The following DPYD variants were observed in gnomAD, a reference collection of about 807,000 sequenced individuals.
The protein encoded by DPYD is dihydropyrimidine dehydrogenase, also known as dihydropyrimidine dehydrogenase [NADP(+)].
DPYD carries 109 observed loss-of-function variants against 116.2 expected under a neutral mutation model. That is an observed-to-expected ratio of 0.94 (90% CI 0.80 to 1.10). The LOEUF (loss-of-function observed/expected upper bound fraction) is 1.10. Among genes scored for constraint, DPYD ranks in the 50% least tolerant of loss-of-function variants. DPYD has a pLI of 0.00. For synonymous variants in DPYD, 440 were observed against 432.0 expected, an observed-to-expected ratio of 1.02 and a Z score of -0.23; for missense variants, 1,302 against 1,254.5, an observed-to-expected ratio of 1.04 and a Z score of -0.57.
intron 21 of DPYD, among the ~76,000 whole-genome samples, chr1:97,097,167 G>A (rs1043839289): frequency 6.6e-6 from 1 of 152,158 alleles, no homozygotes; most frequent in African/African-American, 2.4e-5. Flanking sequence ...CTTTTATGCT[G>A]TTAAAAGTCC....
chr1:97,675,688 G>C (rs1018701568), intron 8 of DPYD, among the ~76,000 whole-genome samples: 3 of 151,732 alleles, frequency 2.0e-5, no homozygotes, highest in African/African-American at 4.8e-5. Flanking sequence ...GAATAAGATA[G>C]TAGTTATAAA....
chr1:97,553,159 A>T (rs1261964481), intron 11 of DPYD, among the ~76,000 whole-genome samples: 3 of 152,004 alleles, frequency 2.0e-5, no homozygotes, highest in Non-Finnish European at 2.9e-5. Flanking sequence ...GACTCTAAGC[A>T]CATGTAATAT....
intron 3 of DPYD, among the ~76,000 whole-genome samples, chr1:97,763,452 TTTC>T (rs1351459682): frequency 6.6e-6 from 1 of 152,008 alleles, no homozygotes; most frequent in African/African-American, 2.4e-5. Context: ...TCCCTTTAGT[TTTC>T]TTCTTCTGGC....
At chr1:97,765,368 G>T (rs1423373566) in intron 3 of DPYD, among the ~76,000 whole-genome samples, 2 of 152,094 alleles carry the variant, frequency 1.3e-5, no homozygotes, top group Non-Finnish European at 2.9e-5. Context: ...GAGGCTACTA[G>T]AGCACTGTGC....
chr1:97,321,174 G>T (rs1296321917), intron 16 of DPYD, among the ~76,000 whole-genome samples: 4 of 85,652 alleles, frequency 4.7e-5, no homozygotes, highest in South Asian at 1.1e-3. Context: ...ATAGGCGTGG[G>T]CAAGGACTTC....
At chr1:97,916,828 T>TG (rs900101398) in intron 1 of DPYD, among the ~76,000 whole-genome samples, 2 of 152,268 alleles carry the variant, frequency 1.3e-5, no homozygotes, top group African/African-American at 4.8e-5. Flanking sequence ...GGCAATATAC[T>TG]GAGACCCCCA....
intron 6 of DPYD, among the ~76,000 whole-genome samples, chr1:97,694,891 T>C (rs547426372): frequency 1.8e-4 from 28 of 152,342 alleles, no homozygotes; most frequent in African/African-American, 6.7e-4. Context: ...ACAATAGCCA[T>C]AGTTGCTATT....
intron 8 of DPYD, among the ~76,000 whole-genome samples, chr1:97,649,945 T>C (rs1347962417): frequency 1.3e-5 from 2 of 151,856 alleles, no homozygotes; most frequent in Non-Finnish European, 2.9e-5. Context: ...TCTTAAAAGG[T>C]TTCCCAACTC....
intron 12 of DPYD, among the ~76,000 whole-genome samples, chr1:97,518,652 A>G (rs1380726216): frequency 1.3e-5 from 2 of 152,032 alleles, no homozygotes. Flanking sequence ...CTCCTAACAA[A>G]TATGTTATTT....
intron 13 of DPYD, among the ~76,000 whole-genome samples, chr1:97,512,789 A>C (rs1647901144): frequency 6.6e-6 from 1 of 151,852 alleles, no homozygotes; most frequent in Non-Finnish European, 1.5e-5. Context: ...GCCGATATAC[A>C]TTTGTATAGA....
At chr1:97,417,676 T>A (rs898198655) in intron 14 of DPYD, among the ~76,000 whole-genome samples, 15 of 152,230 alleles carry the variant, frequency 9.9e-5, no homozygotes, top group Non-Finnish European at 1.6e-4. Flanking sequence ...TTTTTTTCAA[T>A]ATTGAAATAC....
At chr1:97,526,940 C>T (rs976785423) in intron 12 of DPYD, among the ~76,000 whole-genome samples, 2 of 152,096 alleles carry the variant, frequency 1.3e-5, no homozygotes, top group Non-Finnish European at 2.9e-5. Context: ...TTAAGGTATG[C>T]ATTATTCTCC....
chr1:97,080,008 G>C (rs1649045939), intron 22 of DPYD, among the ~76,000 whole-genome samples: 1 of 152,010 alleles, frequency 6.6e-6, no homozygotes, highest in African/African-American at 2.4e-5. Context: ...TCCCATTAAA[G>C]AGAAACATTT....
At chr1:97,216,291 T>TG (rs11400594) in intron 19 of DPYD, among the ~76,000 whole-genome samples, 112,214 of 151,512 alleles carry the variant, frequency 0.74, 42,875 homozygotes, top group East Asian at 0.99. Flanking sequence ...AGCTTTCGAA[T>TG]TTTTTTTTTA....
intron 16 of DPYD, among the ~76,000 whole-genome samples, chr1:97,351,196 T>A (rs1327354471): frequency 2.0e-5 from 3 of 152,056 alleles, no homozygotes; most frequent in Non-Finnish European, 4.4e-5. Context: ...GAGAAGAGAG[T>A]AATTAAAAAT....
At chr1:97,098,351 G>A (rs1465671146) in intron 21 of DPYD, 138 bp downstream of exon 21, 2 of 1,016,118 alleles carry the variant, frequency 2.0e-6, no homozygotes, top group East Asian at 2.6e-5. Context: ...TTTCACCATG[G>A]ACAGATGTTT....
intron 21 of DPYD, among the ~76,000 whole-genome samples, chr1:97,095,613 C>G (rs527706119): frequency 1.7e-5 from 2 of 115,834 alleles, no homozygotes; most frequent in Admixed American, 2.1e-4. Flanking sequence ...CAAATTAAAG[C>G]TTCTGTGTGT....
At chr1:97,462,202 C>G (rs1009544978) in intron 13 of DPYD, among the ~76,000 whole-genome samples, 7 of 152,150 alleles carry the variant, frequency 4.6e-5, no homozygotes, top group African/African-American at 1.7e-4. Flanking sequence ...TACTTTTCAG[C>G]CATTACTACA....
At chr1:97,526,239 G>C (rs1233416277) in intron 12 of DPYD, among the ~76,000 whole-genome samples, 1 of 152,138 alleles carries the variant, frequency 6.6e-6, no homozygotes, top group Non-Finnish European at 1.5e-5. Context: ...CCTCCAGGAA[G>C]AGCTGGGAAT....
Sources: allele counts gnomAD v4.1 joint callset (sites outside exome capture counted in the v4.1 genomes callset), GRCh38; gene constraint gnomAD v4.1.1; transcripts MANE v1.5; gene names NCBI Gene and HGNC (gene_info 2026-07-23, HGNC 2026-07-21).